RIMS2: variants seen among roughly 807,000 people sequenced by gnomAD.
The protein encoded by RIMS2 is regulating synaptic membrane exocytosis protein 2.
In RIMS2, 59 loss-of-function variants were observed where a neutral mutation model predicts 174.4. The ratio of observed to expected loss-of-function variants is 0.34; its 90% confidence interval spans 0.27 to 0.42. The LOEUF (loss-of-function observed/expected upper bound fraction) is 0.42, where lower values mean the gene tolerates loss of function less well. Ranked by LOEUF, RIMS2 falls within the 10% of genes least tolerant of loss-of-function variation. RIMS2 has a pLI of 1.00. For missense variants in RIMS2, 1,620 were observed against 1,666.3 expected (o/e 0.97, Z 0.48); for synonymous variants, 606 against 572.5 (o/e 1.06, Z -0.84).
At chr8:103,989,178 A>G in intron 16 of RIMS2, 127 bp from the exon 19 acceptor site, 1 of 646,004 alleles carries the variant, frequency 1.5e-6, no homozygotes, top group South Asian at 1.9e-5. Context: ...AGATGCAATT[A>G]ATTAAAACAA....
chr8:103,792,246 T>C (rs2098506153), intron 3 of RIMS2, among the ~76,000 whole-genome samples: 1 of 152,122 alleles, frequency 6.6e-6, no homozygotes. Context: ...GCAATCAAAT[T>C]AGGACTCAGG....
intron 1 of RIMS2, among the ~76,000 whole-genome samples, chr8:103,553,537 A>G (rs376465199): frequency 1.1e-4 from 17 of 152,140 alleles, no homozygotes; most frequent in South Asian, 8.3e-4. Context: ...CATGGCACAT[A>G]TATACATATG....
chr8:104,239,534 CAT>C (rs1453197151), intron 19 of RIMS2, among the ~76,000 whole-genome samples: 1 of 152,020 alleles, frequency 6.6e-6, no homozygotes, highest in Non-Finnish European at 1.5e-5. Flanking sequence ...ACACATTATA[CAT>C]ATATGTTTAT....
intron 1 of RIMS2, among the ~76,000 whole-genome samples, chr8:103,547,648 A>G (rs1297217378): frequency 3.3e-5 from 5 of 152,216 alleles, no homozygotes; most frequent in Admixed American, 6.5e-5. Context: ...AAGACAAAAA[A>G]TAACCAAAAT....
chr8:103,691,374 G>C (rs184018716), intron 1 of RIMS2, among the ~76,000 whole-genome samples: 1 of 151,986 alleles, frequency 6.6e-6, no homozygotes, highest in Non-Finnish European at 1.5e-5. Flanking sequence ...ATTGTTTCTT[G>C]TTCTTTTTTT....
chr8:103,766,594 C>A (rs2098173876), intron 3 of RIMS2, 57 bp downstream of exon 6: 2 of 1,136,470 alleles, frequency 1.8e-6, no homozygotes, highest in African/African-American at 1.6e-5. Context: ...TCATTCCAAA[C>A]AGAGATAACA....
chr8:103,768,351 T>C, intron 3 of RIMS2: 1 of 711,378 alleles, frequency 1.4e-6, no homozygotes. Context: ...AAACGCAAAC[T>C]CTGCACTTTT....
intron 2 of RIMS2, among the ~76,000 whole-genome samples, chr8:103,714,805 C>CTGA (rs1249033289): frequency 6.6e-6 from 1 of 151,702 alleles, no homozygotes; most frequent in African/African-American, 2.4e-5. Context: ...GGAAGGGTGA[C>CTGA]TGATTATTAG....
intron 3 of RIMS2, among the ~76,000 whole-genome samples, chr8:103,796,869 G>C (rs1464595106): frequency 6.6e-6 from 1 of 152,170 alleles, no homozygotes; most frequent in East Asian, 1.9e-4. Flanking sequence ...ACTCCAGGGG[G>C]CACAATTCAC....
chr8:104,246,593 C>T (rs754456077), intron 20 of RIMS2, among the ~76,000 whole-genome samples: 1 of 152,040 alleles, frequency 6.6e-6, no homozygotes, highest in Non-Finnish European at 1.5e-5. Flanking sequence ...AGCACACATG[C>T]TAAGGAGAAA....
intron 1 of RIMS2, among the ~76,000 whole-genome samples, chr8:103,610,720 A>C (rs1041170195): frequency 6.6e-6 from 1 of 152,112 alleles, no homozygotes; most frequent in African/African-American, 2.4e-5. Context: ...GTGCTGCTGG[A>C]TTTGATTTGC....
intron 19 of RIMS2, among the ~76,000 whole-genome samples, chr8:104,046,574 C>T (rs1015184524): frequency 5.3e-5 from 8 of 152,070 alleles, no homozygotes; most frequent in East Asian, 1.9e-4. Context: ...TGTGCATGTA[C>T]GGACACATAT....
intron 14 of RIMS2, among the ~76,000 whole-genome samples, chr8:103,949,694 T>A (rs1257630396): frequency 1.3e-5 from 2 of 151,988 alleles, no homozygotes; most frequent in African/African-American, 4.8e-5. Context: ...ACCAAAAAAA[T>A]TCTCAAATCA....
At chr8:104,180,383 G>T (rs1424163850) in intron 19 of RIMS2, among the ~76,000 whole-genome samples, 6 of 146,186 alleles carry the variant, frequency 4.1e-5, no homozygotes, top group African/African-American at 1.3e-4. Context: ...TTTAATCTTT[G>T]CCAATCTGGT....
At chr8:104,177,254 T>A (rs561726294) in intron 19 of RIMS2, among the ~76,000 whole-genome samples, 85 of 152,288 alleles carry the variant, frequency 5.6e-4, no homozygotes, top group African/African-American at 1.9e-3. Context: ...ATATTAATTA[T>A]GAAATAAAGA....
intron 1 of RIMS2, among the ~76,000 whole-genome samples, chr8:103,632,619 C>T (rs565409762): frequency 8.0e-4 from 120 of 150,494 alleles, no homozygotes; most frequent in African/African-American, 2.8e-3. Context: ...CAGGTTTTTA[C>T]TATGTTGGCC....
At chr8:104,024,822 T>C (rs1039089125) in intron 19 of RIMS2, among the ~76,000 whole-genome samples, 2 of 152,176 alleles carry the variant, frequency 1.3e-5, no homozygotes, top group Non-Finnish European at 2.9e-5. Context: ...AGGTAAGTTT[T>C]GAGAGGTTCT....
chr8:103,611,142 TTTTTG>T (rs946335372), intron 1 of RIMS2, among the ~76,000 whole-genome samples: 5 of 152,262 alleles, frequency 3.3e-5, no homozygotes, highest in African/African-American at 4.8e-5. Context: ...CCCTGAGGGT[TTTTTG>T]TTTTGTTTTG....
chr8:103,535,026 T>C (rs1395642465), intron 1 of RIMS2, among the ~76,000 whole-genome samples: 1 of 152,224 alleles, frequency 6.6e-6, no homozygotes, highest in Non-Finnish European at 1.5e-5. Context: ...CTTGAAAATA[T>C]CCAGTTTACT....
Sources: gnomAD v4.1 joint callset for allele counts (sites outside exome capture counted in the v4.1 genomes callset) on GRCh38, gnomAD v4.1.1 for gene constraint, MANE v1.5 for transcripts, NCBI Gene and HGNC (gene_info 2026-07-23, HGNC 2026-07-21) for gene names.